The following HIPK1 variants were observed in gnomAD, a reference collection of about 807,000 sequenced individuals.
HIPK1 encodes homeodomain interacting protein kinase 1, also known as homeodomain-interacting protein kinase 1.
Under a neutral mutation model 117.1 loss-of-function variants are expected in HIPK1, and 28 were observed. That is an observed-to-expected ratio of 0.24 (90% confidence interval 0.18 to 0.33). The LOEUF (loss-of-function observed/expected upper bound fraction) is 0.33. Ranked by LOEUF, HIPK1 falls within the 10% of genes least tolerant of loss-of-function variation. The probability of loss-of-function intolerance (pLI) is 1.00; values close to 1 mark genes in which losing one functional copy is unlikely to be tolerated. For synonymous variants in HIPK1, 605 were observed against 562.5 expected, an observed-to-expected ratio of 1.08 and a Z score of -1.07; for missense variants, 1,122 against 1,475.1, an observed-to-expected ratio of 0.76 and a Z score of 3.92.
chr1:113,933,251 A>G (rs543012233), intron 1 of HIPK1: 1 of 943,898 alleles, frequency 1.1e-6, no homozygotes, highest in East Asian at 1.2e-4. Flanking sequence ...AAAAGTTAGG[A>G]AAAGAAAAGC....
chr1:113,955,826 T>G (rs1380082984), intron 5 of HIPK1, among the ~76,000 whole-genome samples, 177 bp downstream of exon 5: 2 of 152,180 alleles, frequency 1.3e-5, no homozygotes, highest in Non-Finnish European at 2.9e-5. Flanking sequence ...ACCAAGTATA[T>G]TTTTAGAATT....
At chr1:113,955,828 T>G (rs893489174) in intron 5 of HIPK1, among the ~76,000 whole-genome samples, 179 bp downstream of exon 5, 2 of 152,200 alleles carry the variant, frequency 1.3e-5, no homozygotes, top group Non-Finnish European at 2.9e-5. Flanking sequence ...CAAGTATATT[T>G]TTAGAATTAC....
chr1:113,930,106 C>T (rs912343489), intron 1 of HIPK1, among the ~76,000 whole-genome samples: 1 of 152,208 alleles, frequency 6.6e-6, no homozygotes, highest in African/African-American at 2.4e-5. Flanking sequence ...TGCGGCCCGG[C>T]CGCTCACTGC....
At chr1:113,960,814 G>A (rs1156937943) in intron 8 of HIPK1, among the ~76,000 whole-genome samples, 1 of 152,114 alleles carries the variant, frequency 6.6e-6, no homozygotes, top group African/African-American at 2.4e-5. Context: ...TTTGTACGTT[G>A]CTGGATTGTA....
At chr1:113,935,461 C>G (rs1313777870) in intron 1 of HIPK1, among the ~76,000 whole-genome samples, 1 of 152,014 alleles carries the variant, frequency 6.6e-6, no homozygotes, top group Non-Finnish European at 1.5e-5. Context: ...TCATGTCTTT[C>G]CTATTGTGAA....
chr1:113,934,216 AC>A (rs1482272800), intron 1 of HIPK1, among the ~76,000 whole-genome samples: 1 of 152,262 alleles, frequency 6.6e-6, no homozygotes, highest in East Asian at 1.9e-4. Context: ...AGCAAAAGCA[AC>A]AGGAATTTAT....
intron 12 of HIPK1, 107 bp downstream of exon 12, chr1:113,968,055 G>C: frequency 1.0e-6 from 1 of 971,132 alleles, no homozygotes; most frequent in Non-Finnish European, 1.5e-6. Context: ...GAAGCAGCAA[G>C]TAGCTGCCAA....
In HIPK1 at chr1:113,968,664, G is replaced by A. The variant is rs1307125913; in HGVS notation, c.2771+16G>A. 1.3e-6 allele frequency: 2 copies of A among 1,599,468 alleles called. No homozygotes were observed. Among genetic ancestry groups the A allele is most frequent in the African/African-American group, 2.7e-5 (2 of 74,600 alleles). ...AGCCCAGTAGGTAAGATAAGTGAAT[G>A]GTTCCTGGCTCTATTGGTTTTAGAC... On this transcript the variant is annotated intron_variant, in intron 13 of 15. Transcript: ENST00000426820.
Position 113,973,639 on chromosome 1 carries a change from GC to G in HIPK1, c.*130del. 9.2e-7 allele frequency: 1 copy of G among 1,081,650 alleles called. No homozygotes were observed. The highest frequency in any genetic ancestry group is 1.3e-6 in the Non-Finnish European group (1 of 778,218). 67.0% of individuals were successfully genotyped at this position (1,081,650 alleles called of 1,614,324 possible). On this transcript the variant is annotated 3_prime_UTR_variant, in exon 16 of 16. Transcript: ENST00000426820. ...TTAGCCAGCAACTTGTTCTGCAGGGGCCCACTGAAGCAGAAGGTTTTTCTCT... is the reference window on the plus strand; with the variant it reads ...TTAGCCAGCAACTTGTTCTGCAGGGGCCACTGAAGCAGAAGGTTTTTCTCT...
chr1:113,938,762 T>G (rs1670420326), intron 1 of HIPK1, among the ~76,000 whole-genome samples: 1 of 151,440 alleles, frequency 6.6e-6, no homozygotes, highest in Non-Finnish European at 1.5e-5. Flanking sequence ...ACAAAAAAAT[T>G]AACTGGGTGT....
intron 13 of HIPK1, among the ~76,000 whole-genome samples, chr1:113,969,364 T>C (rs1209352717): frequency 6.6e-6 from 1 of 152,182 alleles, no homozygotes; most frequent in East Asian, 1.9e-4. Flanking sequence ...TCATCACTTC[T>C]TGTGTGACCC....
At chr1:113,953,005 T>C in intron 3 of HIPK1, 116 bp downstream of exon 3, 1 of 950,118 alleles carries the variant, frequency 1.1e-6, no homozygotes, top group Non-Finnish European at 1.4e-6. Context: ...GAAAGAGTAG[T>C]CCAATTGCTA....
chr1:113,974,814 C>T lies in HIPK1; in HGVS notation c.*1302C>T, dbSNP rs1478024363. On this transcript the variant is annotated 3_prime_UTR_variant, in exon 16 of 16. Coordinates refer to ENST00000426820, the MANE Select transcript of HIPK1 (RefSeq NM_198268.3). ...AGAAAAATATAACAAGCAATTTTTC[C>T]TGCTAACCCAAAATGTTATTTGTAA... 6.6e-6 allele frequency: 1 copy of T among 152,398 alleles called. No individual in the cohort carries two copies. The highest frequency in any genetic ancestry group is 2.4e-5 in the African/African-American group (1 of 41,328). 9.4% of individuals were successfully genotyped at this position (152,398 alleles called of 1,614,324 possible). A position where few individuals can be genotyped will look rare whatever the true frequency, so the allele number is the denominator to read the frequency against.
chr1:113,949,606 T>C (rs1388116094), intron 2 of HIPK1, among the ~76,000 whole-genome samples: 6 of 150,224 alleles, frequency 4.0e-5, no homozygotes, highest in African/African-American at 1.5e-4. Context: ...TTTTCTTTTT[T>C]TTTTTTTTTT....
chr1:113,933,109 C>T (rs1670007292), intron 1 of HIPK1: 3 of 845,580 alleles, frequency 3.5e-6, no homozygotes, highest in Non-Finnish European at 4.3e-6. Flanking sequence ...AAACACAAAG[C>T]ACTTACTTTT....
At position 113,968,497 on chromosome 1, in the gene HIPK1, C is replaced by T; in HGVS notation, c.2620C>T (p.Leu874Phe). Residue 874 changes from leucine to phenylalanine, a missense_variant, in exon 13 of 16, where the codon CTC becomes TTC. By Grantham distance (22) the Leu-to-Phe change is conservative. Coordinates refer to ENST00000426820, the MANE Select transcript of HIPK1 (RefSeq NM_198268.3). Reference protein sequence around the residue: ...QVYSLVGSSPLRTTSSYNSLV... With the variant: ...QVYSLVGSSPFRTTSSYNSLV... The stretch of plus-strand genomic sequence containing the variant: ...CTATTCTCTGGTTGGGAGCAGTCCC[C>T]TCCGCACCACATCTTCTTATAATTC... The T allele has an allele frequency of 6.2e-7, 1 of 1,614,156 alleles. No individual in the cohort carries two copies. The highest frequency in any genetic ancestry group is 8.5e-7 in the Non-Finnish European group (1 of 1,179,992).
chr1:113,956,944 T>C (rs1671767596), intron 6 of HIPK1, 133 bp downstream of exon 6: 1 of 941,238 alleles, frequency 1.1e-6, no homozygotes, highest in African/African-American at 1.7e-5. Flanking sequence ...TCTTTCTCAT[T>C]GAAACATCAT....
At position 113,973,673 on chromosome 1, in the gene HIPK1, C is replaced by G; in HGVS notation, c.*161C>G. The G allele has an allele frequency of 1.4e-6, 1 of 734,046 alleles. No individual in the cohort carries two copies. The highest frequency in any genetic ancestry group is 2.1e-6 in the Non-Finnish European group (1 of 474,380). The allele number at this position is 734,046 out of a possible 1,614,324, so 45.5% of individuals were successfully genotyped here. A position where few individuals can be genotyped will look rare whatever the true frequency, so the allele number is the denominator to read the frequency against. On this transcript the variant is annotated 3_prime_UTR_variant, in exon 16 of 16. Transcript: ENST00000426820. Reference sequence around the variant, plus strand: ...AGCAGAAGGTTTTTCTCTGGGGGAACCTGTCTCAGTGTTGACTGCATTGTT... The same window carrying G: ...AGCAGAAGGTTTTTCTCTGGGGGAAGCTGTCTCAGTGTTGACTGCATTGTT...
At chr1:113,963,635 T>G (rs1672270318) in intron 10 of HIPK1, 114 bp downstream of exon 10, 1 of 1,324,168 alleles carries the variant, frequency 7.6e-7, no homozygotes, top group African/African-American at 1.5e-5. Flanking sequence ...TCAAAAAAAT[T>G]TTTTAGCTTA....
Sources: gnomAD v4.1 joint callset for allele counts (sites outside exome capture counted in the v4.1 genomes callset) on GRCh38, gnomAD v4.1.1 for gene constraint, MANE v1.5 for transcripts, NCBI Gene and HGNC (gene_info 2026-07-23, HGNC 2026-07-21) for gene names.